Variants in ADCY5 observed in about 807,000 individuals in gnomAD.
ADCY5 encodes adenylate cyclase type 5.
A neutral mutation model predicts 119.7 loss-of-function variants in ADCY5; 30 were observed. That is an observed-to-expected ratio of 0.25 (90% CI 0.19 to 0.34). The LOEUF (loss-of-function observed/expected upper bound fraction) is 0.34, where lower values mean the gene tolerates loss of function less well. Among genes scored for constraint, ADCY5 ranks in the 10% least tolerant of loss-of-function variants. The pLI, the probability that ADCY5 is intolerant of heterozygous loss-of-function variation, is 1.00. For missense variants in ADCY5, 1,324 were observed against 1,775.2 expected (o/e 0.75, Z 4.57); for synonymous variants, 753 against 762.2 (o/e 0.99, Z 0.20).
intron 1 of ADCY5, chr3:123,419,148 C>T (rs773122509): frequency 2.5e-5 from 25 of 985,310 alleles, no homozygotes; most frequent in African/African-American, 1.4e-4. Flanking sequence ...ATAGTGCAGC[C>T]GGTGCCCGAG....
chr3:123,448,327 C>A lies in ADCY5; in HGVS notation c.219G>T (p.Trp73Cys). 1 of 1,536,638 alleles carries A rather than the reference C, an allele frequency of 6.5e-7. No homozygotes were observed. The highest frequency in any genetic ancestry group is 8.7e-7 in the Non-Finnish European group (1 of 1,152,368). The stretch of plus-strand genomic sequence containing the variant: ...GAGGATCGTCGTCGTCGTCGCTGCG[C>A]CAGCGGCTGGCCAGGCGCTGCTGCT... The part of the protein sequence containing the change: ...PQQQQRLASR[W>C]RSDDDDDPPL... The change falls in exon 1 of 21, where the codon TGG becomes TGT. Residue 73 changes from tryptophan (W) to cysteine (C), a missense_variant. Physicochemically the swap from Trp to Cys is radical, Grantham distance 215. Transcript: ENST00000462833.
intron 3 of ADCY5, among the ~76,000 whole-genome samples, chr3:123,338,341 C>G (rs956188825): frequency 2.0e-5 from 3 of 152,218 alleles, no homozygotes; most frequent in Admixed American, 6.5e-5. Context: ...ATCCTGCCAC[C>G]CCCACATTCC....
In ADCY5 at chr3:123,296,199, T is replaced by G; in HGVS notation, c.2948A>C (p.Lys983Thr). ...GGGCGTCACCACCTTCAATGCCACC[T>G]TGGTTGCATGCTCAGGGCTGTGGGG... Reference protein sequence around the residue: ...GTSQCPEHATKVALKVVTPII... With the variant: ...GTSQCPEHATTVALKVVTPII... The change falls in exon 17 of 21, where the codon AAG becomes ACG. Residue 983 changes from lysine to threonine, a missense_variant. By Grantham distance (78) the Lys-to-Thr change is moderately conservative (BLOSUM62 -1). Around this residue, in one of 6 missense-constraint regions of ADCY5, gnomAD observed 424 missense variants for 546.8 expected, o/e 0.78. Transcript: ENST00000462833. 1 of 1,613,864 alleles carries G rather than the reference T, an allele frequency of 6.2e-7. No individual in the cohort carries two copies. Among genetic ancestry groups the G allele is most frequent in the Non-Finnish European group, 8.5e-7 (1 of 1,179,986 alleles).
chr3:123,291,402 C>T (rs766652838), intron 17 of ADCY5, 26 bp from the exon 18 acceptor site: 5 of 1,592,528 alleles, frequency 3.1e-6, no homozygotes, highest in Non-Finnish European at 2.6e-6. Flanking sequence ...TGCAAGTCAC[C>T]CAGATGCCAA....
Position 123,414,547 on chromosome 3 carries a change from T to G in ADCY5, c.1134+32865A>C, listed in dbSNP as rs564494741. On this transcript the variant is annotated intron_variant, in intron 1 of 20. Coordinates refer to ENST00000462833, the MANE Select transcript of ADCY5 (RefSeq NM_183357.3). ...CTGAGGACCACTTCTAAGCTAGGGC[T>G]TGACCTTATGGCTTACCTTTTTTTT... is the stretch of plus-strand genomic sequence containing the variant. Among the ~76,000 whole-genome samples, 3 of 152,252 alleles carry G rather than the reference T, an allele frequency of 2.0e-5. No homozygotes were observed. The East Asian group carries it at 5.8e-4, about 29-fold the overall frequency.
In ADCY5 at chr3:123,306,147, G is replaced by A. The variant is rs115274236; in HGVS notation, c.2443-1964C>T. On this transcript the variant is annotated intron_variant, in intron 12 of 20. Transcript: ENST00000462833. ...TCTTATGTGGTAGAAGGAAAGGTGTGATCTGGAGAGCATAAGCTTGTATTA... is the reference window on the plus strand; with the variant it reads ...TCTTATGTGGTAGAAGGAAAGGTGTAATCTGGAGAGCATAAGCTTGTATTA... 9.1e-3 allele frequency among the ~76,000 whole-genome samples: 1,389 copies of A among 152,330 alleles called. 10 individuals are homozygous for A. Among genetic ancestry groups the A allele is most frequent in the African/African-American group, 0.031 (1,307 of 41,576 alleles).
intron 11 of ADCY5, among the ~76,000 whole-genome samples, chr3:123,315,486 C>T (rs1294128782): frequency 6.6e-6 from 1 of 152,178 alleles, no homozygotes; most frequent in Non-Finnish European, 1.5e-5. Flanking sequence ...ACCCAGCCCC[C>T]AAGCCGCTGC....
intron 1 of ADCY5, among the ~76,000 whole-genome samples, chr3:123,378,084 A>AGCTAATAC (rs1559847995): frequency 1.3e-5 from 2 of 152,256 alleles, no homozygotes; most frequent in Admixed American, 1.3e-4. Flanking sequence ...AAAGCTAATA[A>AGCTAATAC]CCAGCTCAGG....
At chr3:123,357,234 C>A (rs986773739) in intron 1 of ADCY5, among the ~76,000 whole-genome samples, 1 of 150,996 alleles carries the variant, frequency 6.6e-6, no homozygotes, top group Non-Finnish European at 1.5e-5. Context: ...GTAAATTATA[C>A]CTTAATTTAA....
chr3:123,349,704 C>A (rs758675663), intron 2 of ADCY5, among the ~76,000 whole-genome samples: 1 of 152,186 alleles, frequency 6.6e-6, no homozygotes, highest in Admixed American at 6.5e-5. Flanking sequence ...CTGCCACCCC[C>A]AGACTGGCTG....
chr3:123,414,005 C>A (rs1310399366), intron 1 of ADCY5, among the ~76,000 whole-genome samples: 1 of 152,152 alleles, frequency 6.6e-6, no homozygotes, highest in Admixed American at 6.5e-5. Flanking sequence ...AAGTTCCCTG[C>A]CAGCCCTGAT....
intron 3 of ADCY5, among the ~76,000 whole-genome samples, chr3:123,344,521 G>A (rs964400782): frequency 1.3e-5 from 2 of 152,046 alleles, no homozygotes; most frequent in Admixed American, 6.5e-5. Flanking sequence ...ATCCTATTAC[G>A]CAGATGAGGA....
Position 123,284,184 on chromosome 3 carries a change from G to A in ADCY5, c.*424C>T. On this transcript the variant is annotated 3_prime_UTR_variant, in exon 21 of 21. Coordinates refer to ENST00000462833, the MANE Select transcript of ADCY5 (RefSeq NM_183357.3). ...GTTTAAAGGCTCACATAGAAAAGCA[G>A]ACCCCTGGGGCCCCCTAGGCTCTCC... 6.0e-6 allele frequency: 1 copy of A among 166,814 alleles called. No individual in the cohort carries two copies. The highest frequency in any genetic ancestry group is 5.8e-5 in the Admixed American group (1 of 17,214). The allele number at this position is 166,814 out of a possible 1,614,324, so 10.3% of individuals were successfully genotyped here.
Position 123,352,823 on chromosome 3 carries a change from C to T in ADCY5, c.1135-242G>A, listed in dbSNP as rs906597659. ...GATATGTCCTCTAAAGACACTGAAT[C>T]ACCTAATAATCATACTAAACATGCC... On this transcript the variant is annotated intron_variant, in intron 1 of 20. Coordinates refer to ENST00000462833, the MANE Select transcript of ADCY5 (RefSeq NM_183357.3). The surrounding 1 kb of genome is among the most constrained non-coding windows in gnomAD (Gnocchi z 4.8). Among the ~76,000 whole-genome samples, 1 of 152,188 alleles carries T rather than the reference C, an allele frequency of 6.6e-6. No homozygotes were observed. The highest frequency in any genetic ancestry group is 1.5e-5 in the Non-Finnish European group (1 of 68,028).
rs1401519571 is a variant in ADCY5, at chr3:123,447,995, G to T, written c.551C>A (p.Ser184Tyr). 5 of 1,334,058 alleles carry T rather than the reference G, an allele frequency of 3.7e-6. No homozygotes were observed. Among genetic ancestry groups the T allele is most frequent in the Admixed American group, 3.9e-5 (1 of 25,728 alleles). The allele number at this position is 1,334,058 out of a possible 1,614,324, so 82.6% of individuals were successfully genotyped here. ...GTCCGCCGAGCTGCCGCCATCCCCG[G>T]ACCCCTCGCCGCCCTCGACGGCGCC... ...EAGAVEGGEG[S>Y]GDGGSSADSG... is the part of the protein sequence containing the mutation. Residue 184 changes from serine (S) to tyrosine (Y), a missense_variant, in exon 1 of 21, where the codon TCC becomes TAC. Physicochemically the swap from Ser to Tyr is moderately radical, Grantham distance 144. This residue lies in a region of ADCY5 where 585 missense variants were observed against 569.9 expected (regional missense o/e 1.03). Transcript: ENST00000462833.
intron 1 of ADCY5, among the ~76,000 whole-genome samples, chr3:123,391,647 T>C (rs1475355923): frequency 6.6e-6 from 1 of 152,132 alleles, no homozygotes; most frequent in Non-Finnish European, 1.5e-5. Flanking sequence ...CAAAATATTC[T>C]CATCCTCACC....
At chr3:123,395,992 C>G (rs116899810) in intron 1 of ADCY5, among the ~76,000 whole-genome samples, 9,365 of 71,848 alleles carry the variant, frequency 0.13, 1,094 homozygotes, top group African/African-American at 0.33. Flanking sequence ...AAGAAAGAAA[C>G]AGAAAGAAAG....
chr3:123,318,099 CG>C lies in ADCY5; in HGVS notation c.2274del (p.Asp758GlufsTer37). On this transcript the variant is annotated frameshift_variant, in exon 11 of 21. Coordinates refer to ENST00000462833, the MANE Select transcript of ADCY5 (RefSeq NM_183357.3). LOFTEE classifies it high-confidence loss of function. ...DLEKKYSKQV[D>X]DRFGAYVACA... ...CACGCCACATAGGCACCAAATCGGT[CG>C]TCTACCTGCTTGGAGTACTGAGAGG... is the stretch of plus-strand genomic sequence containing the variant. 6.2e-7 allele frequency: 1 copy of C among 1,611,448 alleles called. No homozygotes were observed. The highest frequency in any genetic ancestry group is 8.5e-7 in the Non-Finnish European group (1 of 1,177,840).
At chr3:123,301,815 G>A (rs72964522) in intron 14 of ADCY5, among the ~76,000 whole-genome samples, 5,195 of 152,300 alleles carry the variant, frequency 0.034, 307 homozygotes, top group African/African-American at 0.12. Flanking sequence ...CCAGATATGA[G>A]AGGCAGCAGA....
Sources: allele counts gnomAD v4.1 joint callset (sites outside exome capture counted in the v4.1 genomes callset), GRCh38; gene constraint gnomAD v4.1.1; regional missense constraint gnomAD v4.1.1; non-coding constraint Gnocchi (gnomAD v3.1); transcripts MANE v1.5; gene names NCBI Gene and HGNC (gene_info 2026-07-23, HGNC 2026-07-21).